Variants in DLG2 observed in about 807,000 individuals in gnomAD.
DLG2 encodes discs large MAGUK scaffold protein 2.
Under a neutral mutation model 132.5 loss-of-function variants are expected in DLG2, and 45 were observed. The observed-to-expected ratio is 0.34, with a 90% CI of 0.27 to 0.44. DLG2 has a LOEUF of 0.44. Among genes scored for constraint, DLG2 ranks in the 20% least tolerant of loss-of-function variants. The pLI, the probability that DLG2 is intolerant of heterozygous loss-of-function variation, is 1.00. For synonymous variants in DLG2, 424 were observed against 419.6 expected (o/e 1.01, Z -0.13); for missense variants, 1,045 against 1,196.9 (o/e 0.87, Z 1.87).
chr11:84,427,589 G>A (rs1027824848), intron 7 of DLG2, among the ~76,000 whole-genome samples: 1 of 152,170 alleles, frequency 6.6e-6, no homozygotes, highest in African/African-American at 2.4e-5. Flanking sequence ...TCAGTCCTAT[G>A]CCAGGATAAT....
chr11:83,507,356 CA>C (rs1160178291), intron 21 of DLG2, among the ~76,000 whole-genome samples: 17 of 150,276 alleles, frequency 1.1e-4, no homozygotes, highest in Non-Finnish European at 2.4e-4. Flanking sequence ...CTCCTGGTAC[CA>C]AAATCTGTAT....
At chr11:84,173,607 C>T (rs1324416954) in intron 8 of DLG2, among the ~76,000 whole-genome samples, 1 of 152,174 alleles carries the variant, frequency 6.6e-6, no homozygotes, top group Non-Finnish European at 1.5e-5. Flanking sequence ...AGAATATTTT[C>T]TTTTACTTGA....
chr11:85,268,475 G>T (rs1302520702), intron 4 of DLG2, among the ~76,000 whole-genome samples: 1 of 152,090 alleles, frequency 6.6e-6, no homozygotes. Context: ...ATAAAGCTAA[G>T]CTGTGCCCTG....
intron 21 of DLG2, among the ~76,000 whole-genome samples, chr11:83,487,598 G>A (rs764169498): frequency 1.3e-5 from 2 of 151,946 alleles, no homozygotes; most frequent in Non-Finnish European, 2.9e-5. Flanking sequence ...CCTGCTTCAA[G>A]TTTATATTTA....
At chr11:84,058,931 A>C (rs1236309598) in intron 11 of DLG2, among the ~76,000 whole-genome samples, 1 of 152,060 alleles carries the variant, frequency 6.6e-6, no homozygotes, top group African/African-American at 2.4e-5. Flanking sequence ...TTGTTATATT[A>C]GTACAGATTA....
intron 2 of DLG2, among the ~76,000 whole-genome samples, chr11:85,606,778 C>T (rs2080584515): frequency 6.6e-6 from 1 of 152,146 alleles, no homozygotes; most frequent in Admixed American, 6.5e-5. Flanking sequence ...CATAAACCCA[C>T]CAGGAGGAAT....
At chr11:85,589,917 T>C (rs2079205505) in intron 3 of DLG2, among the ~76,000 whole-genome samples, 1 of 152,136 alleles carries the variant, frequency 6.6e-6, no homozygotes, top group African/African-American at 2.4e-5. Context: ...AAAATTATTG[T>C]AAAAATCACA....
At chr11:84,865,984 T>C (rs2084497997) in intron 6 of DLG2, among the ~76,000 whole-genome samples, 2 of 152,228 alleles carry the variant, frequency 1.3e-5, no homozygotes, top group African/African-American at 4.8e-5. Context: ...CCTGCCCACT[T>C]TCTCAGCAGC....
chr11:84,802,635 T>G (rs1267754971), intron 6 of DLG2, among the ~76,000 whole-genome samples: 2 of 116,344 alleles, frequency 1.7e-5, no homozygotes, highest in African/African-American at 6.7e-5. Flanking sequence ...CAGAAACAAG[T>G]CAGCAAAAAA....
At position 85,459,578 on chromosome 11, in the gene DLG2, G is replaced by A. The variant is rs527299063; in HGVS notation, c.40+139079C>T. On this transcript the variant is annotated intron_variant, in intron 3 of 27. Coordinates refer to ENST00000376104, the MANE Select transcript of DLG2 (RefSeq NM_001142699.3). ...GGTGGCTATTATGTGGTGCAAAGCC[G>A]GGGCCCTGCCTGGTAAAGAGTAAGG... Among the ~76,000 whole-genome samples the A allele has an allele frequency of 1.1e-4, 17 of 152,234 alleles. No individual in the cohort carries two copies. In the East Asian group the frequency reaches 2.5e-3, roughly 23 times the overall value.
intron 9 of DLG2, among the ~76,000 whole-genome samples, chr11:84,137,600 A>G (rs920360571): frequency 2.6e-5 from 4 of 152,190 alleles, no homozygotes; most frequent in Non-Finnish European, 4.4e-5. Context: ...TGATCACACA[A>G]GACAAGTCTC....
chr11:85,028,424 G>A (rs1449325235), intron 6 of DLG2, among the ~76,000 whole-genome samples: 1 of 152,150 alleles, frequency 6.6e-6, no homozygotes, highest in African/African-American at 2.4e-5. Context: ...GCTTCACCGG[G>A]AACCTACCCC....
chr11:85,028,973 C>T (rs1329402482), intron 6 of DLG2, among the ~76,000 whole-genome samples: 1 of 152,186 alleles, frequency 6.6e-6, no homozygotes, highest in Non-Finnish European at 1.5e-5. Flanking sequence ...GCTGCAGCTG[C>T]CCTCATAATG....
intron 6 of DLG2, among the ~76,000 whole-genome samples, chr11:85,039,846 AAGAC>A: frequency 2.0e-5 from 3 of 151,910 alleles, no homozygotes; most frequent in Non-Finnish European, 4.4e-5. Flanking sequence ...GCAACTTGGT[AAGAC>A]TCTTTAAATT....
In DLG2 at chr11:85,294,479, AC is replaced by A. The variant is rs535238727; in HGVS notation, c.41-9115del. On this transcript the variant is annotated intron_variant, in intron 3 of 27. Transcript: ENST00000376104. ...AGTATAATTACTTGGAGATAAAAGC[AC>A]AAGCTCTGAAGTCAAACAAAATGGC... Among the ~76,000 whole-genome samples, 7 of 152,234 alleles carry A rather than the reference AC, an allele frequency of 4.6e-5. No individual in the cohort carries two copies. The South Asian group carries it at 1.2e-3, about 27-fold the overall frequency.
intron 17 of DLG2, among the ~76,000 whole-genome samples, chr11:83,788,891 T>C (rs544071208): frequency 6.6e-6 from 1 of 152,370 alleles, no homozygotes; most frequent in East Asian, 1.9e-4. Context: ...ATAATTCTAG[T>C]TCCATAGGTT....
intron 6 of DLG2, among the ~76,000 whole-genome samples, chr11:84,993,598 C>A (rs2057352695): frequency 6.6e-6 from 1 of 152,154 alleles, no homozygotes. Flanking sequence ...TACTGCCTCG[C>A]CACTGCCTCC....
intron 8 of DLG2, among the ~76,000 whole-genome samples, chr11:84,171,811 C>T (rs977089762): frequency 6.6e-5 from 10 of 152,106 alleles, no homozygotes; most frequent in Middle Eastern, 3.2e-3. Flanking sequence ...AAAAGTGAGT[C>T]ATTCCACCAG....
At chr11:85,077,384 G>A (rs1420828087) in intron 6 of DLG2, among the ~76,000 whole-genome samples, 1 of 151,894 alleles carries the variant, frequency 6.6e-6, no homozygotes, top group African/African-American at 2.4e-5. Flanking sequence ...AGGAGTGATA[G>A]GAACAAATTT....
Sources: gnomAD v4.1 joint callset for allele counts (sites outside exome capture counted in the v4.1 genomes callset) on GRCh38, gnomAD v4.1.1 for gene constraint, MANE v1.5 for transcripts, NCBI Gene and HGNC (gene_info 2026-07-23, HGNC 2026-07-21) for gene names.